Variants in NBEA observed in about 807,000 individuals in gnomAD.
NBEA encodes the protein neurobeachin.
NBEA carries 44 observed loss-of-function variants against 343.4 expected under a neutral mutation model. The observed-to-expected ratio is 0.13, with a 90% confidence interval of 0.10 to 0.16. The LOEUF (loss-of-function observed/expected upper bound fraction) is 0.16. Among genes scored for constraint, NBEA ranks in the 10% least tolerant of loss-of-function variants. The pLI is 1.00. For synonymous variants in NBEA, 1,175 were observed against 1,238.7 expected (o/e 0.95, Z 1.08); for missense variants, 2,555 against 3,631.3 (o/e 0.70, Z 7.62).
chr13:35,502,168 C>G (rs2152981132), intron 41 of NBEA, among the ~76,000 whole-genome samples: 1 of 152,160 alleles, frequency 6.6e-6, no homozygotes, highest in African/African-American at 2.4e-5. Context: ...GTGATCTGGT[C>G]AGCAAGTTCA....
intron 17 of NBEA, among the ~76,000 whole-genome samples, chr13:35,141,478 G>T (rs1464522468): frequency 6.6e-6 from 1 of 152,048 alleles, no homozygotes; most frequent in Non-Finnish European, 1.5e-5. Flanking sequence ...CATTGGCCAG[G>T]CTTGTCTCGA....
chr13:35,162,058 C>A (rs2069601909), intron 23 of NBEA, 91 bp downstream of exon 23: 2 of 1,068,530 alleles, frequency 1.9e-6, no homozygotes, highest in Non-Finnish European at 2.6e-6. Flanking sequence ...CAAAAATCTG[C>A]CTTGATTAAA....
At chr13:35,433,431 CA>C (rs1165483871) in intron 39 of NBEA, among the ~76,000 whole-genome samples, 1 of 151,876 alleles carries the variant, frequency 6.6e-6, no homozygotes, top group Non-Finnish European at 1.5e-5. Context: ...AATTTAAAAA[CA>C]GTTGATAAAT....
intron 38 of NBEA, among the ~76,000 whole-genome samples, chr13:35,409,433 A>AACC (rs1225484366): frequency 2.0e-5 from 3 of 152,078 alleles, no homozygotes; most frequent in Non-Finnish European, 4.4e-5. Flanking sequence ...CTGTACAACA[A>AACC]ACCCCCATGA....
chr13:35,158,260 C>T (rs2069315007), intron 21 of NBEA, among the ~76,000 whole-genome samples: 2 of 151,954 alleles, frequency 1.3e-5, no homozygotes, highest in Admixed American at 1.3e-4. Context: ...ATTCTGTTAA[C>T]TTATTTAAAT....
chr13:35,308,472 A>ATATGTATATATATATGTGTATATATATG (rs1566597095), intron 35 of NBEA, among the ~76,000 whole-genome samples: 1 of 98,440 alleles, frequency 1.0e-5, no homozygotes, highest in African/African-American at 4.3e-5. Flanking sequence ...ATATATATAT[A>ATATGTATATATATATGTGTATATATATG]TGTATATATA....
intron 1 of NBEA, among the ~76,000 whole-genome samples, chr13:35,027,631 A>G (rs2062061357): frequency 6.6e-6 from 1 of 151,920 alleles, no homozygotes; most frequent in African/African-American, 2.4e-5. Context: ...TCTGTAGCTT[A>G]TATTTTCAAC....
intron 39 of NBEA, among the ~76,000 whole-genome samples, chr13:35,443,352 G>A (rs181799164): frequency 3.5e-4 from 54 of 152,114 alleles, no homozygotes; most frequent in Middle Eastern, 6.8e-3. Flanking sequence ...ATCCACGTAA[G>A]GAATAGCATT....
At chr13:35,203,756 TAATG>T (rs1247730765) in intron 31 of NBEA, among the ~76,000 whole-genome samples, 9 of 152,206 alleles carry the variant, frequency 5.9e-5, no homozygotes, top group African/African-American at 1.9e-4. Context: ...TATAATCAAT[TAATG>T]AAATATTTTA....
chr13:35,633,016 GAA>G (rs35343385), intron 49 of NBEA, among the ~76,000 whole-genome samples: 1 of 117,354 alleles, frequency 8.5e-6, no homozygotes. Context: ...GTCTTATTTT[GAA>G]AAAAAAAAAA....
At chr13:35,229,832 C>A (rs1178237215) in intron 33 of NBEA, among the ~76,000 whole-genome samples, 1 of 152,110 alleles carries the variant, frequency 6.6e-6, no homozygotes, top group African/African-American at 2.4e-5. Context: ...ATTTATACAG[C>A]ATTTACAACC....
chr13:35,386,873 T>C (rs945644660), intron 38 of NBEA, among the ~76,000 whole-genome samples: 1 of 152,170 alleles, frequency 6.6e-6, no homozygotes. Flanking sequence ...TTGATTAATG[T>C]GGCTAAATCA....
intron 52 of NBEA, among the ~76,000 whole-genome samples, chr13:35,651,159 A>G (rs1314917867): frequency 6.6e-6 from 1 of 152,224 alleles, no homozygotes; most frequent in Non-Finnish European, 1.5e-5. Flanking sequence ...TGTTGTATAT[A>G]TTGTATAATC....
chr13:35,381,185 T>C (rs1162453016), intron 38 of NBEA, among the ~76,000 whole-genome samples: 1 of 152,184 alleles, frequency 6.6e-6, no homozygotes, highest in Non-Finnish European at 1.5e-5. Context: ...GCAATGTTTT[T>C]GGTACCTAAG....
At chr13:35,442,241 G>C (rs1010968101) in intron 39 of NBEA, among the ~76,000 whole-genome samples, 3 of 152,092 alleles carry the variant, frequency 2.0e-5, no homozygotes, top group African/African-American at 7.2e-5. Flanking sequence ...TACTCATATA[G>C]TCACAAAGAT....
At chr13:34,969,489 C>G (rs1011244371) in intron 1 of NBEA, among the ~76,000 whole-genome samples, 2 of 151,776 alleles carry the variant, frequency 1.3e-5, no homozygotes, top group Non-Finnish European at 2.9e-5. Flanking sequence ...GTTTGTTGTG[C>G]AGTTTATTTC....
intron 16 of NBEA, among the ~76,000 whole-genome samples, chr13:35,120,074 T>G (rs1304972472): frequency 6.6e-6 from 1 of 152,198 alleles, no homozygotes; most frequent in Non-Finnish European, 1.5e-5. Flanking sequence ...TTTATTATAT[T>G]ACTTGATAAA....
intron 38 of NBEA, among the ~76,000 whole-genome samples, chr13:35,375,327 G>A (rs1015829625): frequency 3.9e-5 from 6 of 152,034 alleles, no homozygotes; most frequent in African/African-American, 1.4e-4. Context: ...CCGTCTCAAC[G>A]TAAGGTCATC....
Position 35,013,474 on chromosome 13 carries a change from C to CT in NBEA, c.295-27445dup, listed in dbSNP as rs200665719. 9.8e-3 allele frequency among the ~76,000 whole-genome samples: 1,412 copies of CT among 144,462 alleles called. 13 individuals are homozygous for CT. Among genetic ancestry groups the CT allele is most frequent in the East Asian group, 0.039 (194 of 4,982 alleles). The allele number at this position is 144,462 out of a possible 152,430, so 94.8% of individuals were successfully genotyped here. A position where few individuals can be genotyped will look rare whatever the true frequency, so the allele number is the denominator to read the frequency against. Reference sequence around the variant, plus strand: ...TTATTAGCATGAATTAAACATGTATCTTTTTTTTTTTTTTGAGACAGAGTC... The same window carrying CT: ...TTATTAGCATGAATTAAACATGTATCTTTTTTTTTTTTTTTGAGACAGAGTC... On this transcript the variant is annotated intron_variant, in intron 1 of 58. Transcript: ENST00000379939.
Sources: allele counts gnomAD v4.1 joint callset (sites outside exome capture counted in the v4.1 genomes callset), GRCh38; gene constraint gnomAD v4.1.1; transcripts MANE v1.5; gene names NCBI Gene and HGNC (gene_info 2026-07-23, HGNC 2026-07-21).